NDST4: variants seen among roughly 807,000 people sequenced by gnomAD.
The protein encoded by NDST4 is N-deacetylase and N-sulfotransferase 4, also known as N-heparan sulfate sulfotransferase 4.
A neutral mutation model predicts 100.8 loss-of-function variants in NDST4; 63 were observed. The observed-to-expected ratio is 0.62, with a 90% CI of 0.51 to 0.77. The LOEUF is 0.77. NDST4 is among the 30% of genes least tolerant of loss of function. NDST4 has a pLI of 0.00. For missense variants in NDST4, 943 were observed against 1,018.4 expected, an observed-to-expected ratio of 0.93 and a Z score of 1.01; for synonymous variants, 377 against 361.8, an observed-to-expected ratio of 1.04 and a Z score of -0.48.
intron 6 of NDST4, among the ~76,000 whole-genome samples, chr4:114,929,074 G>GTCCGTCCATCCATCCATCCATCCATCCA (rs1560816975): frequency 8.3e-6 from 1 of 120,562 alleles, no homozygotes; most frequent in African/African-American, 3.4e-5. Flanking sequence ...CCGTCCGTCC[G>GTCCGTCCATCCATCCATCCATCCATCCA]TCCATCCATC....
chr4:114,887,205 C>T (rs1724497060), intron 6 of NDST4, among the ~76,000 whole-genome samples: 1 of 152,040 alleles, frequency 6.6e-6, no homozygotes, highest in African/African-American at 2.4e-5. Flanking sequence ...TTATAAAGAC[C>T]TTTAAGAATA....
At chr4:115,090,005 C>T (rs1729484013) in intron 1 of NDST4, among the ~76,000 whole-genome samples, 1 of 150,898 alleles carries the variant, frequency 6.6e-6, no homozygotes, top group Non-Finnish European at 1.5e-5. Flanking sequence ...TTTGATCTAC[C>T]ATCTTCACCA....
chr4:115,020,295 T>C (rs1163530341), intron 2 of NDST4, among the ~76,000 whole-genome samples: 2 of 152,094 alleles, frequency 1.3e-5, no homozygotes, highest in Admixed American at 1.3e-4. Context: ...TATTGGAAAC[T>C]GGAGTAAAAG....
intron 2 of NDST4, among the ~76,000 whole-genome samples, chr4:115,021,376 T>C (rs1727815560): frequency 6.8e-6 from 1 of 147,140 alleles, no homozygotes; most frequent in Non-Finnish European, 1.5e-5. Flanking sequence ...ATTCCATATA[T>C]ATATTCCATA....
At chr4:115,000,114 T>C (rs1046654770) in intron 2 of NDST4, among the ~76,000 whole-genome samples, 2 of 151,718 alleles carry the variant, frequency 1.3e-5, no homozygotes, top group Non-Finnish European at 2.9e-5. Flanking sequence ...TTTTGAAATG[T>C]TAACTTGCAT....
intron 2 of NDST4, among the ~76,000 whole-genome samples, chr4:115,000,498 C>G (rs907803651): frequency 6.6e-6 from 1 of 151,996 alleles, no homozygotes; most frequent in African/African-American, 2.4e-5. Context: ...GGACTATTTA[C>G]ACATGGACCC....
intron 4 of NDST4, among the ~76,000 whole-genome samples, chr4:114,957,801 G>A (rs926985260): frequency 6.6e-6 from 1 of 152,166 alleles, no homozygotes; most frequent in Non-Finnish European, 1.5e-5. Context: ...ATGGGCCCAT[G>A]AAAGTCCAAA....
chr4:114,919,239 G>C (rs1725239800), intron 6 of NDST4, among the ~76,000 whole-genome samples: 1 of 152,140 alleles, frequency 6.6e-6, no homozygotes, highest in Non-Finnish European at 1.5e-5. Flanking sequence ...GGCTTACTGA[G>C]CTAATGTGGA....
chr4:114,965,993 A>G (rs2126238495), intron 4 of NDST4, among the ~76,000 whole-genome samples: 1 of 152,132 alleles, frequency 6.6e-6, no homozygotes, highest in Admixed American at 6.5e-5. Flanking sequence ...TACTCAAGCA[A>G]CTGAATAGCA....
intron 12 of NDST4, among the ~76,000 whole-genome samples, chr4:114,833,332 G>T (rs1343666295): frequency 1.3e-5 from 2 of 152,058 alleles, no homozygotes; most frequent in African/African-American, 4.8e-5. Context: ...GCACAGGTAG[G>T]CATATAAAAA....
chr4:115,104,056 A>G (rs1382627677), intron 1 of NDST4, among the ~76,000 whole-genome samples: 1 of 152,162 alleles, frequency 6.6e-6, no homozygotes, highest in Non-Finnish European at 1.5e-5. Context: ...TTGGTGGAAA[A>G]TACTGGGAGA....
chr4:114,987,221 T>C (rs1726934295), intron 2 of NDST4, among the ~76,000 whole-genome samples: 1 of 152,116 alleles, frequency 6.6e-6, no homozygotes, highest in Admixed American at 6.5e-5. Flanking sequence ...AAAATCTTTT[T>C]TGGGTCAGAG....
At chr4:114,855,142 TC>T (rs1295248461) in intron 7 of NDST4, among the ~76,000 whole-genome samples, 3 of 152,130 alleles carry the variant, frequency 2.0e-5, no homozygotes, top group African/African-American at 4.8e-5. Context: ...GTTTTTTTTT[TC>T]CTATAGAGTT....
chr4:114,910,437 G>A lies in NDST4; in HGVS notation c.1536+24769C>T, dbSNP rs181557044. On this transcript the variant is annotated intron_variant, in intron 6 of 13. Coordinates refer to ENST00000264363, the MANE Select transcript of NDST4 (RefSeq NM_022569.3). Reference sequence around the variant, plus strand: ...TGTCTGTGTGCCTGTGTGTATGTGTGTCTGTGTGTATAACAGTAGTAGCTC... The same window carrying A: ...TGTCTGTGTGCCTGTGTGTATGTGTATCTGTGTGTATAACAGTAGTAGCTC... 6.0e-3 allele frequency among the ~76,000 whole-genome samples: 913 copies of A among 152,284 alleles called. 8 individuals carry two copies. The highest frequency in any genetic ancestry group is 4.5e-3 in the Non-Finnish European group (307 of 68,014).
At chr4:115,057,074 C>T (rs768671612) in intron 2 of NDST4, among the ~76,000 whole-genome samples, 1 of 152,048 alleles carries the variant, frequency 6.6e-6, no homozygotes, top group Non-Finnish European at 1.5e-5. Context: ...GATGAATTTA[C>T]ATATGTAAGT....
At chr4:114,968,474 G>A (rs985080628) in intron 4 of NDST4, among the ~76,000 whole-genome samples, 2 of 152,134 alleles carry the variant, frequency 1.3e-5, no homozygotes, top group Admixed American at 6.5e-5. Context: ...CTTAATTAAC[G>A]TCTAGAGCAG....
At chr4:115,074,178 T>C (rs910351921) in intron 2 of NDST4, among the ~76,000 whole-genome samples, 2 of 152,004 alleles carry the variant, frequency 1.3e-5, no homozygotes, top group Non-Finnish European at 2.9e-5. Context: ...TGTTAAATTA[T>C]TGTATTCTAT....
At chr4:114,965,219 C>A (rs1371652399) in intron 4 of NDST4, among the ~76,000 whole-genome samples, 2 of 151,966 alleles carry the variant, frequency 1.3e-5, no homozygotes, top group African/African-American at 4.8e-5. Flanking sequence ...ACTGGATAAT[C>A]CAGTAAAAAT....
At chr4:115,057,569 C>G (rs950928808) in intron 2 of NDST4, among the ~76,000 whole-genome samples, 1 of 152,140 alleles carries the variant, frequency 6.6e-6, no homozygotes, top group African/African-American at 2.4e-5. Context: ...TGTATTATTT[C>G]TAACGTTTAT....
Sources: gnomAD v4.1 joint callset for allele counts (sites outside exome capture counted in the v4.1 genomes callset) on GRCh38, gnomAD v4.1.1 for gene constraint, MANE v1.5 for transcripts, NCBI Gene and HGNC (gene_info 2026-07-23, HGNC 2026-07-21) for gene names.